GNAI1: variants seen among roughly 807,000 people sequenced by gnomAD.
The protein encoded by GNAI1 is guanine nucleotide-binding protein G(i) subunit alpha-1.
In GNAI1, 11 loss-of-function variants were observed where a neutral mutation model predicts 38.9. The observed-to-expected ratio is 0.28, with a 90% CI of 0.18 to 0.47. The LOEUF (loss-of-function observed/expected upper bound fraction) is 0.47, where lower values mean the gene tolerates loss of function less well. GNAI1 is among the 20% of genes least tolerant of loss of function. The pLI is 0.99. For synonymous variants in GNAI1, 166 were observed against 145.1 expected (o/e 1.14, Z -1.04); for missense variants, 317 against 436.9 (o/e 0.73, Z 2.45).
At chr7:80,165,239 A>C (rs1387908351) in intron 1 of GNAI1, among the ~76,000 whole-genome samples, 1 of 152,140 alleles carries the variant, frequency 6.6e-6, no homozygotes, top group Non-Finnish European at 1.5e-5. Flanking sequence ...ATCTCTCAGT[A>C]ATGTTGTACA....
At chr7:80,202,458 T>C (rs1004830395) in intron 4 of GNAI1, among the ~76,000 whole-genome samples, 6 of 152,232 alleles carry the variant, frequency 3.9e-5, no homozygotes, top group Non-Finnish European at 7.3e-5. Context: ...TAGCTCATTA[T>C]TTTAAAGAGG....
At chr7:80,149,539 A>G (rs1157531996) in intron 1 of GNAI1, among the ~76,000 whole-genome samples, 3 of 152,046 alleles carry the variant, frequency 2.0e-5, no homozygotes, top group Non-Finnish European at 4.4e-5. Context: ...GATGGATAAC[A>G]ATGGCTTCCC....
At chr7:80,137,541 A>G (rs1050666545) in intron 1 of GNAI1, among the ~76,000 whole-genome samples, 43 of 151,956 alleles carry the variant, frequency 2.8e-4, no homozygotes, top group African/African-American at 9.7e-4. Flanking sequence ...GCTGGTCTCC[A>G]ATTCCTGACC....
intron 1 of GNAI1, 122 bp downstream of exon 1, chr7:80,135,400 G>A: frequency 1.9e-6 from 1 of 534,240 alleles, no homozygotes; most frequent in Admixed American, 4.3e-5. Flanking sequence ...CTTCTGAGCG[G>A]GAGCTGGGTC....
At chr7:80,144,131 C>T (rs1311924634) in intron 1 of GNAI1, among the ~76,000 whole-genome samples, 1 of 152,042 alleles carries the variant, frequency 6.6e-6, no homozygotes, top group African/African-American at 2.4e-5. Flanking sequence ...ATAGAGAATG[C>T]ACTTTACATA....
At chr7:80,200,149 C>G (rs888196488) in intron 4 of GNAI1, among the ~76,000 whole-genome samples, 1 of 151,224 alleles carries the variant, frequency 6.6e-6, no homozygotes, top group South Asian at 2.1e-4. Flanking sequence ...GACCTCCCCC[C>G]ACCATCTCTA....
intron 3 of GNAI1, among the ~76,000 whole-genome samples, chr7:80,198,876 C>G (rs1024629088): frequency 5.3e-5 from 8 of 152,092 alleles, no homozygotes; most frequent in Non-Finnish European, 1.0e-4. Flanking sequence ...GACATAGGTT[C>G]TTCTTCTGTT....
chr7:80,147,596 A>T (rs1787650587), intron 1 of GNAI1, among the ~76,000 whole-genome samples: 1 of 152,164 alleles, frequency 6.6e-6, no homozygotes, highest in Non-Finnish European at 1.5e-5. Flanking sequence ...ATTCTGATTA[A>T]GTTTACAGTC....
chr7:80,171,928 G>GA (rs1215613347), intron 1 of GNAI1, among the ~76,000 whole-genome samples: 3 of 152,000 alleles, frequency 2.0e-5, no homozygotes, highest in Non-Finnish European at 4.4e-5. Flanking sequence ...GCCCTTCCTG[G>GA]AAAAATGTCT....
At chr7:80,173,944 C>G (rs1788139561) in intron 1 of GNAI1, among the ~76,000 whole-genome samples, 1 of 152,100 alleles carries the variant, frequency 6.6e-6, no homozygotes, top group African/African-American at 2.4e-5. Flanking sequence ...GCTCTCCTGC[C>G]CAAATGTGGT....
chr7:80,201,519 G>T (rs1035368253), intron 4 of GNAI1, among the ~76,000 whole-genome samples: 28 of 152,052 alleles, frequency 1.8e-4, no homozygotes, highest in Admixed American at 5.2e-4. Flanking sequence ...AGGAATTCCA[G>T]ACCATCCTGG....
At position 80,222,112 on chromosome 7, in the gene GNAI1, TTA is replaced by T. The variant is rs1789089552; in HGVS notation, c.*4620_*4621del. Among the ~76,000 whole-genome samples the T allele has an allele frequency of 3.3e-5, 5 of 150,404 alleles. No individual in the cohort carries two copies. The South Asian group carries it at 1.1e-3, about 33-fold the overall frequency. ...TCTCTTATTTAGTTGGATTTTGTAG[TTA>T]CTTTAAAAGTTACGAAATTTCACAT... On this transcript the variant is annotated 3_prime_UTR_variant, in exon 8 of 8. Coordinates refer to ENST00000649796, the MANE Select transcript of GNAI1 (RefSeq NM_002069.6).
At chr7:80,212,023 A>C (rs1359392636) in intron 6 of GNAI1, among the ~76,000 whole-genome samples, 1 of 152,142 alleles carries the variant, frequency 6.6e-6, no homozygotes, top group East Asian at 1.9e-4. Context: ...GTTCCACAGA[A>C]CTGCCTGCTG....
Position 80,210,979 on chromosome 7 carries a change from G to T in GNAI1, c.601G>T (p.Val201Leu). ...FKDLHFKMFD[V>L]GGQRSERKKW... The stretch of plus-strand genomic sequence containing the variant: ...TTCTCCTCTTAACAGAATGTTTGAT[G>T]TGGGAGGTCAGAGATCTGAGCGGAA... The change falls in exon 6 of 8, where the codon GTG (valine) becomes TTG (leucine). Residue 201 changes from valine (V) to leucine (L), a missense_variant. Around this residue, in one of 5 missense-constraint regions of GNAI1, gnomAD observed 158 missense variants for 234.7 expected, o/e 0.67. Transcript: ENST00000649796. 1 of 1,613,200 alleles carries T rather than the reference G, an allele frequency of 6.2e-7. No homozygotes were observed. The highest frequency in any genetic ancestry group is 1.3e-5 in the African/African-American group (1 of 75,006).
At chr7:80,206,473 G>C (rs1419336835) in intron 5 of GNAI1, among the ~76,000 whole-genome samples, 1 of 151,878 alleles carries the variant, frequency 6.6e-6, no homozygotes, top group Non-Finnish European at 1.5e-5. Context: ...TCAGTACTCT[G>C]ATTTCAAGTA....
rs768289646 is a variant in GNAI1, at chr7:80,222,220, G to C, written c.*4727G>C. Among the ~76,000 whole-genome samples the C allele has an allele frequency of 1.8e-4, 27 of 152,014 alleles. No individual in the cohort carries two copies. Among genetic ancestry groups the C allele is most frequent in the South Asian group, 4.1e-4 (2 of 4,828 alleles). ...CAATTGTCCAAGCCAGAGCTGATTA[G>C]GCCTCAACTGGAATAGTCCCACCAT... On this transcript the variant is annotated 3_prime_UTR_variant, in exon 8 of 8. Coordinates refer to ENST00000649796, the MANE Select transcript of GNAI1 (RefSeq NM_002069.6).
Position 80,222,277 on chromosome 7 carries a change from G to A in GNAI1, c.*4784G>A, listed in dbSNP as rs1238234999. 6.6e-6 allele frequency among the ~76,000 whole-genome samples: 1 copy of A among 151,920 alleles called. No homozygotes were observed. Among genetic ancestry groups the A allele is most frequent in the African/African-American group, 2.4e-5 (1 of 41,342 alleles). The stretch of plus-strand genomic sequence containing the variant: ...AATCTTCCTGAGTATTGTGTATAAG[G>A]TCAAATATTTCCAGCTTCTTTGATT... On this transcript the variant is annotated 3_prime_UTR_variant, in exon 8 of 8. Coordinates refer to ENST00000649796, the MANE Select transcript of GNAI1 (RefSeq NM_002069.6).
intron 1 of GNAI1, chr7:80,136,019 G>A (rs1787408540): frequency 1.0e-6 from 1 of 985,410 alleles, no homozygotes; most frequent in African/African-American, 1.7e-5. Context: ...GGTCACGCCA[G>A]ACAACAGGGT....
At chr7:80,183,503 A>G (rs963062148) in intron 1 of GNAI1, among the ~76,000 whole-genome samples, 2 of 152,218 alleles carry the variant, frequency 1.3e-5, no homozygotes, top group African/African-American at 2.4e-5. Flanking sequence ...ACTTCAGCAT[A>G]AGATAACTTG....
Sources: gnomAD v4.1 joint callset for allele counts (sites outside exome capture counted in the v4.1 genomes callset) on GRCh38, gnomAD v4.1.1 for gene constraint, gnomAD v4.1.1 regional missense constraint, MANE v1.5 for transcripts, NCBI Gene and HGNC (gene_info 2026-07-23, HGNC 2026-07-21) for gene names.